AGBL4: variants seen among roughly 807,000 people sequenced by gnomAD.
The protein encoded by AGBL4 is cytosolic carboxypeptidase 6.
AGBL4 carries 58 observed loss-of-function variants against 66.4 expected under a neutral mutation model. That is an observed-to-expected ratio of 0.87 (90% CI 0.71 to 1.09). The LOEUF is 1.09. Ranked by LOEUF, AGBL4 falls within the 50% of genes least tolerant of loss-of-function variation. The probability of loss-of-function intolerance (pLI) is 0.00; values close to 1 mark genes in which losing one functional copy is unlikely to be tolerated. For missense variants in AGBL4, 579 were observed against 631.0 expected (o/e 0.92, Z 0.88); for synonymous variants, 234 against 222.9 (o/e 1.05, Z -0.44).
At position 49,935,687 on chromosome 1, in the gene AGBL4, G is replaced by A. The variant is rs963809163; in HGVS notation, c.35-84169C>T. On this transcript the variant is annotated intron_variant, in intron 1 of 13. Transcript: ENST00000371839. ...CAGCATTCGCGGTTCATGAAAATCC[G>A]CTGTTCTACGGCCACCGCTGCTGAT... Among the ~76,000 whole-genome samples the A allele has an allele frequency of 2.6e-4, 40 of 152,240 alleles. 1 individual carries two copies. The highest frequency in any genetic ancestry group is 6.2e-4 in the South Asian group (3 of 4,806).
At chr1:49,694,621 G>T (rs1371438290) in intron 3 of AGBL4, among the ~76,000 whole-genome samples, 1 of 152,102 alleles carries the variant, frequency 6.6e-6, no homozygotes, top group African/African-American at 2.4e-5. Flanking sequence ...CAACTCTCTT[G>T]TAAGAGTAAC....
chr1:49,337,523 AC>A (rs1193033339), intron 3 of AGBL4, among the ~76,000 whole-genome samples: 2 of 152,174 alleles, frequency 1.3e-5, no homozygotes, highest in Non-Finnish European at 2.9e-5. Flanking sequence ...CTCTTGGAGC[AC>A]TTTGGGGCAG....
intron 3 of AGBL4, among the ~76,000 whole-genome samples, chr1:49,380,031 T>C (rs1007618667): frequency 1.3e-5 from 2 of 152,004 alleles, no homozygotes; most frequent in Admixed American, 6.6e-5. Flanking sequence ...AAATAAAGGG[T>C]ATTCAATTAG....
rs994634335 is a variant in AGBL4, at chr1:49,274,662, T to C, written c.283-28798A>G. On this transcript the variant is annotated intron_variant, in intron 3 of 13. Coordinates refer to ENST00000371839, the MANE Select transcript of AGBL4 (RefSeq NM_032785.4). ...TTATTTTTCAAAGAAATTCATAATA[T>C]GGACCTTGACAAGTACTCTTAAATA... Among the ~76,000 whole-genome samples, 8 of 152,216 alleles carry C rather than the reference T, an allele frequency of 5.3e-5. No individual in the cohort carries two copies. In the East Asian group the frequency reaches 1.3e-3, roughly 26 times the overall value.
intron 6 of AGBL4, among the ~76,000 whole-genome samples, chr1:48,787,827 G>C (rs577056980): frequency 8.5e-5 from 13 of 152,332 alleles, no homozygotes; most frequent in South Asian, 4.1e-4. Flanking sequence ...TGGGACTCTG[G>C]ATAGTGGCCA....
chr1:49,165,952 T>G (rs545512547), intron 4 of AGBL4, among the ~76,000 whole-genome samples: 59 of 152,132 alleles, frequency 3.9e-4, no homozygotes, highest in Non-Finnish European at 1.5e-5. Flanking sequence ...ACATGGATGC[T>G]TCTAGTAATG....
intron 2 of AGBL4, among the ~76,000 whole-genome samples, chr1:49,757,715 T>C (rs945581065): frequency 4.6e-5 from 7 of 152,186 alleles, no homozygotes; most frequent in African/African-American, 9.7e-5. Flanking sequence ...CTGTGGAACT[T>C]TGAACTCAAC....
intron 6 of AGBL4, among the ~76,000 whole-genome samples, chr1:48,785,889 A>G (rs1645396322): frequency 2.6e-5 from 4 of 152,104 alleles, no homozygotes; most frequent in Non-Finnish European, 5.9e-5. Context: ...TTGAGACAAT[A>G]GGGCAACCTT....
intron 4 of AGBL4, among the ~76,000 whole-genome samples, chr1:49,238,497 C>T (rs764758230): frequency 7.9e-5 from 12 of 152,156 alleles, no homozygotes; most frequent in Non-Finnish European, 1.3e-4. Context: ...TGGAAGGTCA[C>T]ATTCCCCATG....
chr1:48,742,579 TAACA>T (rs779505632), intron 6 of AGBL4: 2 of 1,461,034 alleles, frequency 1.4e-6, no homozygotes, highest in Admixed American at 2.3e-5. Context: ...TTACTCTGAC[TAACA>T]AACACTTGCA....
chr1:49,315,095 A>G (rs1557832760), intron 3 of AGBL4, among the ~76,000 whole-genome samples: 1 of 149,054 alleles, frequency 6.7e-6, no homozygotes, highest in Non-Finnish European at 1.5e-5. Context: ...GGCCTCAGAA[A>G]TACAACCATC....
chr1:49,049,889 C>T (rs1644172656), intron 4 of AGBL4, among the ~76,000 whole-genome samples: 1 of 151,812 alleles, frequency 6.6e-6, no homozygotes, highest in African/African-American at 2.4e-5. Flanking sequence ...ATAGCATGGA[C>T]CATATGCTAG....
At chr1:49,513,491 T>C (rs780931479) in intron 3 of AGBL4, among the ~76,000 whole-genome samples, 2 of 151,998 alleles carry the variant, frequency 1.3e-5, no homozygotes, top group Admixed American at 1.3e-4. Flanking sequence ...TGTTTAGCTC[T>C]AATTTATAAG....
At chr1:48,856,481 A>G (rs1647155880) in intron 6 of AGBL4, among the ~76,000 whole-genome samples, 1 of 152,154 alleles carries the variant, frequency 6.6e-6, no homozygotes, top group Non-Finnish European at 1.5e-5. Flanking sequence ...TTTTTGAAAC[A>G]GCCCCTCGGC....
intron 3 of AGBL4, among the ~76,000 whole-genome samples, chr1:49,478,603 A>G (rs1450303463): frequency 6.6e-6 from 1 of 152,052 alleles, no homozygotes; most frequent in Non-Finnish European, 1.5e-5. Context: ...GGATTACTTC[A>G]GTCAGAAAAA....
intron 6 of AGBL4, among the ~76,000 whole-genome samples, chr1:48,710,518 C>CAGATTGGA (rs1293351970): frequency 1.3e-5 from 2 of 152,130 alleles, no homozygotes; most frequent in African/African-American, 2.4e-5. Context: ...ATACAAAGGC[C>CAGATTGGA]AGATTGGATA....
At chr1:48,879,340 G>T (rs577918331) in intron 5 of AGBL4, among the ~76,000 whole-genome samples, 1 of 151,992 alleles carries the variant, frequency 6.6e-6, no homozygotes, top group East Asian at 1.9e-4. Flanking sequence ...GAAGTAGCAC[G>T]CAATGAAAAA....
At chr1:48,705,582 C>G (rs1570306744) in intron 6 of AGBL4, among the ~76,000 whole-genome samples, 1 of 152,150 alleles carries the variant, frequency 6.6e-6, no homozygotes, top group Non-Finnish European at 1.5e-5. Flanking sequence ...AAGTAACTTG[C>G]CCAGGTCAAA....
intron 5 of AGBL4, among the ~76,000 whole-genome samples, chr1:49,025,279 G>GT (rs1368848822): frequency 3.3e-5 from 5 of 152,250 alleles, no homozygotes; most frequent in African/African-American, 1.2e-4. Context: ...AACTAAACTT[G>GT]TCCCACTAAT....
Sources: gnomAD v4.1 joint callset for allele counts (sites outside exome capture counted in the v4.1 genomes callset) on GRCh38, gnomAD v4.1.1 for gene constraint, MANE v1.5 for transcripts, NCBI Gene and HGNC (gene_info 2026-07-23, HGNC 2026-07-21) for gene names.